Variants in PINX1 observed in about 807,000 individuals in gnomAD.
PINX1 encodes PIN2/TERF1-interacting telomerase inhibitor 1.
Under a neutral mutation model 25.4 loss-of-function variants are expected in PINX1, and 34 were observed. The observed-to-expected ratio is 1.34, with a 90% confidence interval of 1.02 to 1.78. The LOEUF (loss-of-function observed/expected upper bound fraction) is 1.78. PINX1 is among the 40% of genes most tolerant of loss of function. The probability of loss-of-function intolerance (pLI) is 0.00; values close to 1 mark genes in which losing one functional copy is unlikely to be tolerated. For synonymous variants in PINX1, 197 were observed against 147.7 expected (o/e 1.33, Z -2.42); for missense variants, 592 against 404.9 (o/e 1.46, Z -3.97).
At chr8:10,766,697 A>G (rs1326808176) in intron 6 of PINX1, among the ~76,000 whole-genome samples, 1 of 152,240 alleles carries the variant, frequency 6.6e-6, no homozygotes, top group East Asian at 1.9e-4. Context: ...ACTCACACAT[A>G]ACAGCTGGGA....
intron 6 of PINX1, among the ~76,000 whole-genome samples, chr8:10,811,798 G>C (rs1219503869): frequency 2.0e-5 from 3 of 152,166 alleles, no homozygotes; most frequent in Non-Finnish European, 2.9e-5. Context: ...TCAAGAGCAA[G>C]TGTTCCAGCC....
chr8:10,798,887 G>A (rs932532198), intron 6 of PINX1, among the ~76,000 whole-genome samples: 3 of 152,256 alleles, frequency 2.0e-5, no homozygotes, highest in East Asian at 1.9e-4. Flanking sequence ...AACTGGAGGC[G>A]GTGAATCAAT....
At chr8:10,804,744 GT>G (rs1169363015) in intron 6 of PINX1, among the ~76,000 whole-genome samples, 22 of 150,270 alleles carry the variant, frequency 1.5e-4, no homozygotes, top group Middle Eastern at 7.0e-3. Context: ...CCCTGGTAAT[GT>G]CAAAAGAAAA....
intron 6 of PINX1, among the ~76,000 whole-genome samples, chr8:10,769,770 G>C (rs1801167851): frequency 6.6e-6 from 1 of 152,170 alleles, no homozygotes; most frequent in Admixed American, 6.5e-5. Context: ...CCCTAAGGCT[G>C]CCAGGTGCAA....
At chr8:10,796,908 C>T (rs762506166) in intron 6 of PINX1, among the ~76,000 whole-genome samples, 2 of 151,952 alleles carry the variant, frequency 1.3e-5, no homozygotes, top group Non-Finnish European at 2.9e-5. Context: ...CAACTATCAG[C>T]ACTCCCCTCC....
intron 6 of PINX1, among the ~76,000 whole-genome samples, chr8:10,774,874 G>C (rs553114697): frequency 6.6e-6 from 1 of 152,040 alleles, no homozygotes; most frequent in African/African-American, 2.4e-5. Context: ...AAAAGATACC[G>C]AAATTAGTAA....
intron 6 of PINX1, among the ~76,000 whole-genome samples, chr8:10,807,009 C>A (rs1481399458): frequency 1.3e-5 from 2 of 152,180 alleles, no homozygotes; most frequent in East Asian, 3.9e-4. Context: ...CATTAATTGA[C>A]TGTTAAATTA....
rs1417268137 is a variant in PINX1, at chr8:10,778,567, G to C, written c.472-12651C>G. 3.3e-5 allele frequency among the ~76,000 whole-genome samples: 5 copies of C among 152,266 alleles called. No homozygotes were observed. The East Asian group carries it at 5.8e-4, about 18-fold the overall frequency. The stretch of plus-strand genomic sequence containing the variant: ...TGTTGTTTTATGAAAAACTGGGCTG[G>C]ATTCATGGTCTAAGTAAGTTTGGGA... On this transcript the variant is annotated intron_variant, in intron 6 of 6. Transcript: ENST00000314787.
intron 6 of PINX1, among the ~76,000 whole-genome samples, chr8:10,796,604 A>C (rs2129078407): frequency 6.6e-6 from 1 of 152,294 alleles, no homozygotes; most frequent in South Asian, 2.1e-4. Flanking sequence ...AAATATGGGA[A>C]GTCCTAGAAA....
chr8:10,832,742 T>G (rs1360174483), intron 3 of PINX1, 150 bp downstream of exon 3: 1 of 520,608 alleles, frequency 1.9e-6, no homozygotes, highest in East Asian at 3.2e-5. Flanking sequence ...TATAGTGCCA[T>G]GCATTCAAAG....
At chr8:10,828,599 A>G (rs767160121) in intron 4 of PINX1, among the ~76,000 whole-genome samples, 12 of 152,200 alleles carry the variant, frequency 7.9e-5, no homozygotes, top group Admixed American at 5.9e-4. Flanking sequence ...TTGAGAGGGC[A>G]GAAGAATCAC....
At chr8:10,774,705 T>G (rs993209959) in intron 6 of PINX1, among the ~76,000 whole-genome samples, 2 of 152,352 alleles carry the variant, frequency 1.3e-5, no homozygotes, top group African/African-American at 4.8e-5. Context: ...GTGAATATAG[T>G]TGACTAACAA....
chr8:10,812,067 C>T (rs1383977691), intron 6 of PINX1, among the ~76,000 whole-genome samples: 1 of 152,192 alleles, frequency 6.6e-6, no homozygotes, highest in African/African-American at 2.4e-5. Flanking sequence ...GAACACCCTA[C>T]CCAAGGTGAA....
At chr8:10,780,977 A>G (rs540667727) in intron 6 of PINX1, among the ~76,000 whole-genome samples, 1 of 152,322 alleles carries the variant, frequency 6.6e-6, no homozygotes, top group African/African-American at 2.4e-5. Flanking sequence ...AGTAATTAAA[A>G]CAGTATGGTA....
At chr8:10,825,291 G>C in intron 5 of PINX1, 1 of 531,400 alleles carries the variant, frequency 1.9e-6, no homozygotes, top group African/African-American at 1.9e-5. Context: ...GAAGACCAAA[G>C]CAGAGATGTG....
intron 6 of PINX1, among the ~76,000 whole-genome samples, chr8:10,789,698 G>A (rs558163177): frequency 5.9e-5 from 9 of 152,164 alleles, no homozygotes; most frequent in African/African-American, 1.9e-4. Context: ...GAGACAAAAC[G>A]TGTTCAATTG....
At chr8:10,795,904 G>A (rs563435729) in intron 6 of PINX1, among the ~76,000 whole-genome samples, 1 of 151,662 alleles carries the variant, frequency 6.6e-6, no homozygotes. Context: ...CTAAGCTTCT[G>A]TCCCATTCAA....
chr8:10,805,629 C>A (rs1183530161), intron 6 of PINX1, among the ~76,000 whole-genome samples: 1 of 94,112 alleles, frequency 1.1e-5, no homozygotes. Flanking sequence ...GGTGACGGAG[C>A]ACAGGAAGGG....
intron 6 of PINX1, among the ~76,000 whole-genome samples, chr8:10,797,913 C>G (rs1423779154): frequency 2.6e-5 from 4 of 152,240 alleles, no homozygotes; most frequent in Non-Finnish European, 4.4e-5. Context: ...TCTCAGCCAT[C>G]TACCAATGCA....
Sources: allele counts gnomAD v4.1 joint callset (sites outside exome capture counted in the v4.1 genomes callset), GRCh38; gene constraint gnomAD v4.1.1; transcripts MANE v1.5; gene names NCBI Gene and HGNC (gene_info 2026-07-23, HGNC 2026-07-21).